EHBP1: variants seen among roughly 807,000 people sequenced by gnomAD.
The protein encoded by EHBP1 is EH domain binding protein 1.
Under a neutral mutation model 144.0 loss-of-function variants are expected in EHBP1, and 55 were observed. That is an observed-to-expected ratio of 0.38 (90% CI 0.31 to 0.48). The LOEUF (loss-of-function observed/expected upper bound fraction) is 0.48, where lower values mean the gene tolerates loss of function less well. EHBP1 is among the 20% of genes least tolerant of loss of function. The pLI is 0.98. For synonymous variants in EHBP1, 469 were observed against 472.7 expected, an observed-to-expected ratio of 0.99 and a Z score of 0.10; for missense variants, 1,200 against 1,364.2, an observed-to-expected ratio of 0.88 and a Z score of 1.90.
At chr2:62,716,360 T>C (rs1245947808) in intron 2 of EHBP1, among the ~76,000 whole-genome samples, 2 of 152,192 alleles carry the variant, frequency 1.3e-5, no homozygotes, top group Non-Finnish European at 2.9e-5. Flanking sequence ...AGGCAAAGTC[T>C]ATTTTGTAGA....
At position 62,960,101 on chromosome 2, in the gene EHBP1, G is replaced by A. The variant is rs571403109; in HGVS notation, c.2460+4441G>A. Among the ~76,000 whole-genome samples the A allele has an allele frequency of 3.3e-5, 5 of 152,272 alleles. No individual in the cohort carries two copies. The South Asian group carries it at 8.3e-4, about 25-fold the overall frequency. On this transcript the variant is annotated intron_variant, in intron 14 of 22. Coordinates refer to ENST00000431489, the MANE Select transcript of EHBP1 (RefSeq NM_001142616.3). ...TGTAAGAAATAAAGCCTTATAAAAT[G>A]TAAAGAAGAGATAACTGGGAAATAG...
chr2:62,773,884 A>AAAG lies in EHBP1; in HGVS notation c.312+2493_312+2494insAGA, dbSNP rs1558647631. The stretch of plus-strand genomic sequence containing the variant: ...AAAAAAAAAAAAAAAAAAAAAAAAA[A>AAAG]AGAGAGAGAGAAGAATAACGTGAGT... On this transcript the variant is annotated intron_variant, in intron 5 of 22. Coordinates refer to ENST00000431489, the MANE Select transcript of EHBP1 (RefSeq NM_001142616.3). Among the ~76,000 whole-genome samples, 47 of 130,702 alleles carry AAAG rather than the reference A, an allele frequency of 3.6e-4. 1 individual carries two copies. The highest frequency in any genetic ancestry group is 1.1e-3 in the African/African-American group (35 of 32,958). The allele number at this position is 130,702 out of a possible 152,430, so 85.7% of individuals were successfully genotyped here.
intron 2 of EHBP1, among the ~76,000 whole-genome samples, chr2:62,727,108 G>A (rs1477050505): frequency 1.3e-5 from 2 of 152,076 alleles, no homozygotes; most frequent in South Asian, 2.1e-4. Context: ...TGATCCGCCC[G>A]CCTTGGCCTC....
chr2:62,802,441 T>A (rs2044073809), intron 5 of EHBP1, among the ~76,000 whole-genome samples: 1 of 152,222 alleles, frequency 6.6e-6, no homozygotes, highest in South Asian at 2.1e-4. Context: ...AAATGTTGTC[T>A]TAGCTTATTT....
chr2:62,746,930 G>T (rs2039217395), intron 2 of EHBP1, among the ~76,000 whole-genome samples: 1 of 151,876 alleles, frequency 6.6e-6, no homozygotes, highest in Admixed American at 6.6e-5. Flanking sequence ...GAGATGATTG[G>T]CTATAATAAT....
chr2:63,022,455 C>T (rs910467897), intron 19 of EHBP1, among the ~76,000 whole-genome samples: 10 of 152,112 alleles, frequency 6.6e-5, no homozygotes, highest in Non-Finnish European at 1.2e-4. Context: ...GCTGGGACTA[C>T]AGACATGCAC....
At chr2:62,715,019 C>A (rs1018595431) in intron 2 of EHBP1, among the ~76,000 whole-genome samples, 4 of 152,188 alleles carry the variant, frequency 2.6e-5, no homozygotes, top group Non-Finnish European at 5.9e-5. Context: ...AACTTAATTT[C>A]TCCAAAGTAG....
At chr2:62,760,781 C>T (rs1018808085) in intron 3 of EHBP1, among the ~76,000 whole-genome samples, 3 of 152,182 alleles carry the variant, frequency 2.0e-5, no homozygotes, top group Admixed American at 1.3e-4. Context: ...AGTCTGGGCT[C>T]TCCTCCTGGT....
chr2:62,963,623 A>C (rs967805247), intron 14 of EHBP1, among the ~76,000 whole-genome samples: 1 of 152,236 alleles, frequency 6.6e-6, no homozygotes, highest in Non-Finnish European at 1.5e-5. Flanking sequence ...TCCTAATTAC[A>C]CATATTATCA....
intron 19 of EHBP1, among the ~76,000 whole-genome samples, chr2:63,021,033 A>C (rs1420330494): frequency 7.5e-6 from 1 of 134,168 alleles, no homozygotes; most frequent in Non-Finnish European, 1.5e-5. Context: ...ATGTTGCCCA[A>C]GCTGTTCTCA....
intron 7 of EHBP1, 125 bp from the exon 8 acceptor site, chr2:62,859,044 A>G (rs2049299934): frequency 1.2e-6 from 1 of 860,022 alleles, no homozygotes; most frequent in Admixed American, 2.9e-5. Flanking sequence ...TGTCATTGGT[A>G]AAATGCTATA....
intron 10 of EHBP1, among the ~76,000 whole-genome samples, chr2:62,912,755 C>T (rs1323990619): frequency 6.6e-6 from 1 of 152,092 alleles, no homozygotes; most frequent in Non-Finnish European, 1.5e-5. Flanking sequence ...ACAGTTTTCA[C>T]TGATTGATAT....
chr2:62,749,385 T>G (rs1329631443), intron 3 of EHBP1, among the ~76,000 whole-genome samples: 2 of 152,242 alleles, frequency 1.3e-5, no homozygotes, highest in Non-Finnish European at 2.9e-5. Flanking sequence ...CAGTCTATCA[T>G]TAATGGACAT....
At chr2:62,758,563 C>T (rs2040497129) in intron 3 of EHBP1, among the ~76,000 whole-genome samples, 1 of 152,088 alleles carries the variant, frequency 6.6e-6, no homozygotes, top group Admixed American at 6.5e-5. Context: ...TGTTTCAGTA[C>T]AATATGTGAC....
intron 7 of EHBP1, among the ~76,000 whole-genome samples, chr2:62,833,822 GGCCAA>G (rs2047009218): frequency 6.6e-6 from 1 of 152,150 alleles, no homozygotes; most frequent in Non-Finnish European, 1.5e-5. Context: ...TGATGATCTA[GGCCAA>G]GTCAATTGAA....
chr2:62,979,026 T>A (rs2058839875), intron 14 of EHBP1, among the ~76,000 whole-genome samples, 162 bp from the exon 15 acceptor site: 1 of 152,234 alleles, frequency 6.6e-6, no homozygotes, highest in Non-Finnish European at 1.5e-5. Context: ...GATTCTAAGA[T>A]GTCTTTTAAA....
intron 19 of EHBP1, among the ~76,000 whole-genome samples, chr2:63,011,054 T>C (rs1411989141): frequency 1.3e-5 from 2 of 150,702 alleles, no homozygotes; most frequent in Admixed American, 1.3e-4. Flanking sequence ...ATAGAGGCAG[T>C]GTTAAGGCTA....
intron 5 of EHBP1, among the ~76,000 whole-genome samples, chr2:62,785,879 C>CT (rs150739593): frequency 3.2e-4 from 48 of 150,204 alleles, no homozygotes; most frequent in African/African-American, 6.8e-4. Context: ...ACTTACGAAA[C>CT]TTTTTTTTTT....
chr2:62,946,503 T>C (rs749410197), intron 12 of EHBP1, among the ~76,000 whole-genome samples: 29 of 152,230 alleles, frequency 1.9e-4, no homozygotes, highest in Admixed American at 4.6e-4. Context: ...AAATTACTTC[T>C]AGCTTCACAC....
Sources: allele counts gnomAD v4.1 joint callset (sites outside exome capture counted in the v4.1 genomes callset), GRCh38; gene constraint gnomAD v4.1.1; transcripts MANE v1.5; gene names NCBI Gene and HGNC (gene_info 2026-07-23, HGNC 2026-07-21).